The following PALLD variants were observed in gnomAD, a reference collection of about 807,000 sequenced individuals.
PALLD encodes palladin.
A neutral mutation model predicts 123.5 loss-of-function variants in PALLD; 61 were observed. That is an observed-to-expected ratio of 0.49 (90% CI 0.40 to 0.61). The LOEUF (loss-of-function observed/expected upper bound fraction) is 0.61. PALLD is among the 20% of genes least tolerant of loss of function. The pLI, the probability that PALLD is intolerant of heterozygous loss-of-function variation, is 0.00. For missense variants in PALLD, 1,273 were observed against 1,377.0 expected (o/e 0.92, Z 1.20); for synonymous variants, 465 against 496.4 (o/e 0.94, Z 0.84).
intron 10 of PALLD, among the ~76,000 whole-genome samples, chr4:168,800,658 G>C (rs1739194813): frequency 6.6e-6 from 1 of 152,084 alleles, no homozygotes. Flanking sequence ...ACTGCCAGTG[G>C]GAGTATAAAT....
chr4:168,911,324 T>C (rs932391560), intron 15 of PALLD, among the ~76,000 whole-genome samples: 3 of 152,240 alleles, frequency 2.0e-5, no homozygotes, highest in Non-Finnish European at 4.4e-5. Flanking sequence ...TATATCTTTT[T>C]CTAACCGCAT....
At chr4:168,549,468 C>G (rs776230523) in intron 2 of PALLD, among the ~76,000 whole-genome samples, 17 of 152,048 alleles carry the variant, frequency 1.1e-4, no homozygotes, top group Non-Finnish European at 2.1e-4. Context: ...GTCAAGTAAA[C>G]AAGATAGCAT....
chr4:168,592,476 G>T (rs957752107), intron 2 of PALLD, among the ~76,000 whole-genome samples: 1 of 152,112 alleles, frequency 6.6e-6, no homozygotes, highest in African/African-American at 2.4e-5. Context: ...GTACCTTGGA[G>T]TGTTTTTACT....
chr4:168,661,058 C>A (rs1173540912), intron 2 of PALLD, among the ~76,000 whole-genome samples: 1 of 152,064 alleles, frequency 6.6e-6, no homozygotes, highest in Non-Finnish European at 1.5e-5. Flanking sequence ...GCATGCACCA[C>A]CATGCCCGGC....
At chr4:168,783,046 ATGTGTGTGTGTGTGTGTG>A (rs150595576) in intron 10 of PALLD, among the ~76,000 whole-genome samples, 4 of 116,056 alleles carry the variant, frequency 3.4e-5, no homozygotes, top group South Asian at 2.8e-4. Flanking sequence ...TTATATATAT[ATGTGTGTGTGTGTGTGTG>A]TGTGTGTGTG....
chr4:168,824,269 T>C (rs1743120188), intron 10 of PALLD, among the ~76,000 whole-genome samples: 1 of 151,974 alleles, frequency 6.6e-6, no homozygotes, highest in African/African-American at 2.4e-5. Context: ...AGAAATACAT[T>C]TTTTTATTTT....
At chr4:168,851,729 C>T (rs764708528) in intron 10 of PALLD, among the ~76,000 whole-genome samples, 6 of 152,076 alleles carry the variant, frequency 3.9e-5, no homozygotes, top group African/African-American at 1.2e-4. Flanking sequence ...ATTAAAGAAC[C>T]GTTAATATTA....
chr4:168,598,273 A>C (rs1363709013), intron 2 of PALLD: 1 of 418,776 alleles, frequency 2.4e-6, no homozygotes. Context: ...CCTCACCAAA[A>C]TATTCTACAA....
chr4:168,499,057 G>T (rs1211594187), intron 1 of PALLD, among the ~76,000 whole-genome samples: 1 of 151,168 alleles, frequency 6.6e-6, no homozygotes, highest in Admixed American at 6.6e-5. Context: ...TAATTAGAAA[G>T]GAAAATAATC....
intron 2 of PALLD, among the ~76,000 whole-genome samples, chr4:168,580,691 C>A (rs1307903781): frequency 6.6e-6 from 1 of 152,066 alleles, no homozygotes; most frequent in South Asian, 2.1e-4. Flanking sequence ...TACTGCAGCA[C>A]TATTCACAAC....
At chr4:168,660,554 C>A (rs1477078873) in intron 2 of PALLD, among the ~76,000 whole-genome samples, 1 of 152,024 alleles carries the variant, frequency 6.6e-6, no homozygotes, top group African/African-American at 2.4e-5. Flanking sequence ...TTTGGAAAAT[C>A]CTTACGGGGA....
At position 168,559,979 on chromosome 4, in the gene PALLD, G is replaced by A. The variant is rs553441740; in HGVS notation, c.908+47567G>A. Among the ~76,000 whole-genome samples, 18 of 152,186 alleles carry A rather than the reference G, an allele frequency of 1.2e-4. No homozygotes were observed. The South Asian group carries it at 1.7e-3, about 14-fold the overall frequency. Reference sequence around the variant, plus strand: ...TATAAACCAGTGAATTTTACCTGGCGCTTTTAAAAATAATATTTGAGTTCA... The same window carrying A: ...TATAAACCAGTGAATTTTACCTGGCACTTTTAAAAATAATATTTGAGTTCA... On this transcript the variant is annotated intron_variant, in intron 2 of 21. Transcript: ENST00000505667.
chr4:168,514,697 C>G (rs1762836256), intron 2 of PALLD, among the ~76,000 whole-genome samples: 1 of 152,192 alleles, frequency 6.6e-6, no homozygotes, highest in Non-Finnish European at 1.5e-5. Context: ...TCTCATGTCA[C>G]TCAAAACAGT....
At chr4:168,894,348 T>A in intron 11 of PALLD, 1 of 540,804 alleles carries the variant, frequency 1.8e-6, no homozygotes. Context: ...TCACTTTAAA[T>A]TTGTGCTGTA....
intron 2 of PALLD, chr4:168,631,725 A>G (rs1351391317): frequency 2.0e-6 from 2 of 985,374 alleles, no homozygotes; most frequent in Non-Finnish European, 2.4e-6. Context: ...CGAGCGCAGC[A>G]GGCAAGGGGC....
intron 2 of PALLD, among the ~76,000 whole-genome samples, chr4:168,539,364 G>A (rs1765387957): frequency 6.6e-6 from 1 of 152,112 alleles, no homozygotes; most frequent in South Asian, 2.1e-4. Flanking sequence ...CCGAGGCAGG[G>A]GAATAACAAG....
chr4:168,651,102 A>G (rs1406766436), intron 2 of PALLD, among the ~76,000 whole-genome samples: 1 of 152,184 alleles, frequency 6.6e-6, no homozygotes, highest in East Asian at 1.9e-4. Context: ...AAGGTTCAAG[A>G]ATGAAGTCAA....
intron 2 of PALLD, chr4:168,648,041 G>A (rs1413794007): frequency 1.3e-5 from 2 of 151,922 alleles, no homozygotes; most frequent in Admixed American, 6.6e-5. Flanking sequence ...TAGTTCTCTG[G>A]GACTGTTGAC....
At position 168,894,750 on chromosome 4, in the gene PALLD, G is replaced by A. The variant is rs115275852; in HGVS notation, c.2199+73G>A. On this transcript the variant is annotated intron_variant, in intron 12 of 21. Coordinates refer to ENST00000505667, the MANE Select transcript of PALLD (RefSeq NM_001166108.2). ...CTTTTCCATCTTCCTTATGGATACTGTTCTTGGGATGAGTTCTGTGGAAAG... is the reference window on the plus strand; with the variant it reads ...CTTTTCCATCTTCCTTATGGATACTATTCTTGGGATGAGTTCTGTGGAAAG... 2,285 of 1,564,156 alleles carry A rather than the reference G, an allele frequency of 1.5e-3. 41 individuals are homozygous for A. In the African/African-American group the frequency reaches 0.027, roughly 18 times the overall value.
Sources: allele counts gnomAD v4.1 joint callset (sites outside exome capture counted in the v4.1 genomes callset), GRCh38; gene constraint gnomAD v4.1.1; transcripts MANE v1.5; gene names NCBI Gene and HGNC (gene_info 2026-07-23, HGNC 2026-07-21).